AGBL4: variants seen among roughly 807,000 people sequenced by gnomAD.
AGBL4 encodes AGBL carboxypeptidase 4, also known as cytosolic carboxypeptidase 6.
AGBL4 carries 58 observed loss-of-function variants against 66.4 expected under a neutral mutation model. That is an observed-to-expected ratio of 0.87 (90% CI 0.71 to 1.09). The LOEUF (loss-of-function observed/expected upper bound fraction) is 1.09, where lower values mean the gene tolerates loss of function less well. AGBL4 is among the 50% of genes least tolerant of loss of function. The pLI, the probability that AGBL4 is intolerant of heterozygous loss-of-function variation, is 0.00. For synonymous variants in AGBL4, 234 were observed against 222.9 expected (o/e 1.05, Z -0.44); for missense variants, 579 against 631.0 (o/e 0.92, Z 0.88).
chr1:48,954,068 C>T (rs1657229816), intron 5 of AGBL4, among the ~76,000 whole-genome samples: 1 of 152,168 alleles, frequency 6.6e-6, no homozygotes, highest in Non-Finnish European at 1.5e-5. Flanking sequence ...TAGGCCACAC[C>T]CTTCCTTCTC....
intron 3 of AGBL4, among the ~76,000 whole-genome samples, chr1:49,565,530 CT>C (rs1248100576): frequency 3.9e-5 from 6 of 152,226 alleles, no homozygotes; most frequent in African/African-American, 1.2e-4. Flanking sequence ...ATTTGCTTGT[CT>C]GTAAAGGATT....
intron 1 of AGBL4, among the ~76,000 whole-genome samples, chr1:49,893,687 A>T (rs890908133): frequency 5.3e-5 from 8 of 152,170 alleles, no homozygotes; most frequent in Admixed American, 5.2e-4. Context: ...ATGGTTTGAG[A>T]GCCAGCTCAG....
intron 4 of AGBL4, among the ~76,000 whole-genome samples, chr1:49,151,108 A>T (rs1056517980): frequency 3.3e-5 from 5 of 151,802 alleles, no homozygotes; most frequent in Non-Finnish European, 7.4e-5. Context: ...CTCTACTAAA[A>T]ATACAAAAAT....
chr1:48,620,614 C>T (rs320030), intron 9 of AGBL4, among the ~76,000 whole-genome samples: 93,268 of 151,964 alleles, frequency 0.61, 29,236 homozygotes, highest in Middle Eastern at 0.75. Context: ...ACCAGAGCTA[C>T]AGCTGTTTTT....
chr1:49,324,602 G>A (rs2148481303), intron 3 of AGBL4, among the ~76,000 whole-genome samples: 1 of 152,340 alleles, frequency 6.6e-6, no homozygotes, highest in Non-Finnish European at 1.5e-5. Context: ...AATAAAGTGA[G>A]TCCTAGAAAA....
chr1:49,546,816 C>T (rs182201288), intron 3 of AGBL4, among the ~76,000 whole-genome samples: 37 of 152,158 alleles, frequency 2.4e-4, no homozygotes, highest in Non-Finnish European at 4.7e-4. Flanking sequence ...TTTTTGAGAA[C>T]TGTCTATTAA....
At chr1:49,851,557 G>T in intron 1 of AGBL4, 39 bp from the exon 2 acceptor site, 1 of 1,537,156 alleles carries the variant, frequency 6.5e-7, no homozygotes, top group Non-Finnish European at 8.8e-7. Flanking sequence ...AAGTATATTC[G>T]GCAATTGAAG....
chr1:48,978,544 T>C (rs3122292), intron 5 of AGBL4, among the ~76,000 whole-genome samples: 82,630 of 151,876 alleles, frequency 0.54, 22,735 homozygotes, highest in Admixed American at 0.58. Flanking sequence ...AATCCAATGC[T>C]GCAGAGTCCC....
intron 6 of AGBL4, among the ~76,000 whole-genome samples, chr1:48,795,492 G>A (rs1203612985): frequency 7.3e-5 from 11 of 150,910 alleles, no homozygotes; most frequent in Admixed American, 4.0e-4. Context: ...AAGAATAATC[G>A]AGAGTTATCC....
chr1:49,637,937 A>G (rs1645710391), intron 3 of AGBL4, among the ~76,000 whole-genome samples: 1 of 152,186 alleles, frequency 6.6e-6, no homozygotes, highest in Non-Finnish European at 1.5e-5. Context: ...GCACATGAAA[A>G]AAATATATTT....
At position 48,988,401 on chromosome 1, in the gene AGBL4, C is replaced by G. The variant is rs77444664; in HGVS notation, c.594+57183G>C. Among the ~76,000 whole-genome samples the G allele has an allele frequency of 6.8e-3, 1,039 of 152,212 alleles. 13 individuals are homozygous for G. The highest frequency in any genetic ancestry group is 0.024 in the African/African-American group (1,000 of 41,520). ...AACACAATGCCAGGCACATGGTAAA[C>G]TTTTCATGTACGTATGCAGACTATA... is the stretch of plus-strand genomic sequence containing the variant. On this transcript the variant is annotated intron_variant, in intron 5 of 13. Coordinates refer to ENST00000371839, the MANE Select transcript of AGBL4 (RefSeq NM_032785.4).
At chr1:49,398,978 T>A (rs1282173321) in intron 3 of AGBL4, among the ~76,000 whole-genome samples, 4 of 152,102 alleles carry the variant, frequency 2.6e-5, no homozygotes, top group African/African-American at 9.7e-5. Flanking sequence ...ACAATCCCCA[T>A]TTCCCTGCCA....
At chr1:50,014,135 G>A (rs1661755295) in intron 1 of AGBL4, among the ~76,000 whole-genome samples, 1 of 152,184 alleles carries the variant, frequency 6.6e-6, no homozygotes, top group African/African-American at 2.4e-5. Context: ...CACTTTGGGA[G>A]GCTGAGGCAG....
At chr1:49,647,516 G>A (rs753657521) in intron 3 of AGBL4, among the ~76,000 whole-genome samples, 6 of 152,126 alleles carry the variant, frequency 3.9e-5, no homozygotes, top group Non-Finnish European at 8.8e-5. Flanking sequence ...GGGGGACTCA[G>A]TCATTATGGG....
At chr1:49,324,309 C>T (rs1177969689) in intron 3 of AGBL4, among the ~76,000 whole-genome samples, 2 of 152,240 alleles carry the variant, frequency 1.3e-5, no homozygotes, top group African/African-American at 2.4e-5. Flanking sequence ...AGCCCATGCT[C>T]ACTGCATTGG....
chr1:48,615,083 G>A lies in AGBL4; in HGVS notation c.951+19410C>T, dbSNP rs137885701. Among the ~76,000 whole-genome samples, 23 of 152,188 alleles carry A rather than the reference G, an allele frequency of 1.5e-4. No homozygotes were observed. In the East Asian group the frequency reaches 4.2e-3, roughly 28 times the overall value. On this transcript the variant is annotated intron_variant, in intron 9 of 13. Coordinates refer to ENST00000371839, the MANE Select transcript of AGBL4 (RefSeq NM_032785.4). ...GGGGTAAAAGTCCAATCAGAGGGGA[G>A]TTTGTGGGGGTGCAAGTGCAGGGAT...
At chr1:49,667,961 G>A (rs1646401782) in intron 3 of AGBL4, among the ~76,000 whole-genome samples, 2 of 152,160 alleles carry the variant, frequency 1.3e-5, no homozygotes, top group African/African-American at 2.4e-5. Context: ...GTGTAAAATG[G>A]GAAAAAATAT....
At chr1:49,775,925 C>T (rs1644184291) in intron 2 of AGBL4, among the ~76,000 whole-genome samples, 1 of 151,990 alleles carries the variant, frequency 6.6e-6, no homozygotes, top group Non-Finnish European at 1.5e-5. Flanking sequence ...ACAATTCTGA[C>T]TCTTAATAGT....
chr1:48,628,183 T>C (rs1341165767), intron 9 of AGBL4, among the ~76,000 whole-genome samples: 1 of 152,210 alleles, frequency 6.6e-6, no homozygotes, highest in African/African-American at 2.4e-5. Context: ...CAGGGAACAC[T>C]AGCCTTTATT....
Sources: gnomAD v4.1 joint callset for allele counts (sites outside exome capture counted in the v4.1 genomes callset) on GRCh38, gnomAD v4.1.1 for gene constraint, MANE v1.5 for transcripts, NCBI Gene and HGNC (gene_info 2026-07-23, HGNC 2026-07-21) for gene names.